The following FAM98B variants were observed in gnomAD, a reference collection of about 807,000 sequenced individuals.
The protein encoded by FAM98B is tRNA splicing ligase complex subunit 3B, also known as tRNA-splicing ligase complex subunit FAM98B.
A neutral mutation model predicts 43.9 loss-of-function variants in FAM98B; 32 were observed. That is an observed-to-expected ratio of 0.73 (90% CI 0.55 to 0.98). The LOEUF (loss-of-function observed/expected upper bound fraction) is 0.98, where lower values mean the gene tolerates loss of function less well. Among genes scored for constraint, FAM98B ranks in the 50% least tolerant of loss-of-function variants. The pLI, the probability that FAM98B is intolerant of heterozygous loss-of-function variation, is 0.00. For synonymous variants in FAM98B, 190 were observed against 174.0 expected (o/e 1.09, Z -0.72); for missense variants, 514 against 522.9 (o/e 0.98, Z 0.17).
At chr15:38,469,937 C>T (rs1890097658) in intron 3 of FAM98B, among the ~76,000 whole-genome samples, 1 of 151,988 alleles carries the variant, frequency 6.6e-6, no homozygotes, top group South Asian at 2.1e-4. Flanking sequence ...AAAGAATCAA[C>T]CATTTAAAGT....
intron 6 of FAM98B, among the ~76,000 whole-genome samples, chr15:38,479,132 ATT>A (rs920925433): frequency 6.6e-6 from 1 of 151,834 alleles, no homozygotes; most frequent in African/African-American, 2.4e-5. Context: ...CTAATTAAAA[ATT>A]TTGTTTTATT....
At position 38,487,119 on chromosome 15, in the gene FAM98B, C is replaced by T. The variant is rs923150665; in HGVS notation, c.*2460C>T. On this transcript the variant is annotated 3_prime_UTR_variant, in exon 8 of 8. Transcript: ENST00000397609. ...CTAAAGTAGTCATCTTTCCTCTCGA[C>T]CGTATAAAGAGCATGTATTCTGTCT... The T allele has an allele frequency of 8.6e-5, 13 of 152,000 alleles. No individual in the cohort carries two copies. The highest frequency in any genetic ancestry group is 3.1e-4 in the African/African-American group (13 of 41,402). 9.4% of individuals were successfully genotyped at this position (152,000 alleles called of 1,614,324 possible).
chr15:38,471,805 A>G (rs944911247), intron 4 of FAM98B, among the ~76,000 whole-genome samples: 1 of 152,172 alleles, frequency 6.6e-6, no homozygotes, highest in African/African-American at 2.4e-5. Flanking sequence ...TAGTGGTATA[A>G]TTATAACAGA....
At chr15:38,454,375 G>C in intron 1 of FAM98B, 143 bp downstream of exon 1, 1 of 818,836 alleles carries the variant, frequency 1.2e-6, no homozygotes, top group Non-Finnish European at 2.0e-6. Flanking sequence ...CGGCGCCGAC[G>C]GAGTTAAGCG....
At chr15:38,458,922 G>T (rs118092507) in intron 1 of FAM98B, 1 of 432,646 alleles carries the variant, frequency 2.3e-6, no homozygotes, top group South Asian at 2.0e-5. Context: ...TCCAGGATGA[G>T]GGTTTTCCTC....
intron 1 of FAM98B, chr15:38,459,068 G>T (rs928509705): frequency 2.9e-6 from 1 of 340,832 alleles, no homozygotes; most frequent in South Asian, 2.7e-5. Context: ...TGGCCAGGTT[G>T]GCAGTGAAGG....
At chr15:38,464,732 A>G (rs1245361393) in intron 2 of FAM98B, among the ~76,000 whole-genome samples, 2 of 152,158 alleles carry the variant, frequency 1.3e-5, no homozygotes, top group Non-Finnish European at 1.5e-5. Context: ...AAAATTAAAA[A>G]TTGTGCATTC....
At chr15:38,458,252 A>C (rs1223195436) in intron 1 of FAM98B, among the ~76,000 whole-genome samples, 1 of 152,240 alleles carries the variant, frequency 6.6e-6, no homozygotes, top group Non-Finnish European at 1.5e-5. Flanking sequence ...TGTCTGCAGC[A>C]GCTGGCTGGA....
chr15:38,467,046 T>C (rs532191558), intron 3 of FAM98B, among the ~76,000 whole-genome samples: 9 of 152,274 alleles, frequency 5.9e-5, no homozygotes, highest in African/African-American at 2.2e-4. Flanking sequence ...GATTTCAAAT[T>C]TGGAGGTATT....
Position 38,485,320 on chromosome 15 carries a change from A to G in FAM98B, c.*661A>G, listed in dbSNP as rs1220191100. 6.6e-6 allele frequency: 1 copy of G among 152,272 alleles called. No homozygotes were observed. Among genetic ancestry groups the G allele is most frequent in the African/African-American group, 2.4e-5 (1 of 41,460 alleles). 9.4% of individuals were successfully genotyped at this position (152,272 alleles called of 1,614,324 possible). A position where few individuals can be genotyped will look rare whatever the true frequency, so the allele number is the denominator to read the frequency against. On this transcript the variant is annotated 3_prime_UTR_variant, in exon 8 of 8. Transcript: ENST00000397609. ...TCAGCATGATTTTGTTTGACAAAGC[A>G]AAGTTTAAGATTGAGGTCAGAAATA...
rs569858912 is a variant in FAM98B at position 38,459,093 on chromosome 15, A to T, written c.71+4861A>T. ...GGCAGTGAAGGGAACACATTCAAAG[A>T]GTTCTCTCATTCGTCTCTTTCCACG... On this transcript the variant is annotated intron_variant, in intron 1 of 7. Transcript: ENST00000397609. 6 of 344,684 alleles carry T rather than the reference A, an allele frequency of 1.7e-5. No individual in the cohort carries two copies. In the East Asian group the frequency reaches 4.5e-4, roughly 26 times the overall value. 21.4% of individuals were successfully genotyped at this position (344,684 alleles called of 1,614,324 possible).
At position 38,470,380 on chromosome 15, in the gene FAM98B, A is replaced by G. The variant is rs1369690068; in HGVS notation, c.506A>G (p.His169Arg). The G allele has an allele frequency of 1.4e-5, 23 of 1,600,422 alleles. No individual in the cohort carries two copies. The highest frequency in any genetic ancestry group is 3.3e-4 in the Middle Eastern group (2 of 6,046). The change falls in exon 4 of 8, where the codon CAT becomes CGT. Residue 169 changes from histidine (H) to arginine (R), a missense_variant. Physicochemically the swap from His to Arg is conservative, Grantham distance 29. This residue lies in a region of FAM98B where 469 missense variants were observed against 451.8 expected (regional missense o/e 1.04). Transcript: ENST00000397609. ...IPKSTTSDIP[H>R]MLNQVESKVK... Reference sequence around the variant, plus strand: ...AAGTCAACAACTTCTGACATTCCGCATATGCTAAACCAAGTGGAATCAAAG... The same window carrying G: ...AAGTCAACAACTTCTGACATTCCGCGTATGCTAAACCAAGTGGAATCAAAG...
At chr15:38,468,323 G>A (rs1890071330) in intron 3 of FAM98B, among the ~76,000 whole-genome samples, 1 of 152,084 alleles carries the variant, frequency 6.6e-6, no homozygotes, top group African/African-American at 2.4e-5. Context: ...AAACTCTGGA[G>A]CTCAAGCGAT....
At position 38,465,306 on chromosome 15, in the gene FAM98B, T is replaced by C. The variant is rs1890012296; in HGVS notation, c.255T>C (p.Ser85=). Residue 85 remains serine, a synonymous_variant, in exon 3 of 8, where the codon AGT becomes AGC. Coordinates refer to ENST00000397609, the MANE Select transcript of FAM98B (RefSeq NM_173611.4). ...DDLESFQLEI[S]GFLKEMACPY... ...TAGAGAGCTTCCAGCTTGAGATAAG[T>C]GGCTTTTTAAAAGAAATGGCATGTC... is the stretch of plus-strand genomic sequence containing the variant. 1.2e-6 allele frequency: 2 copies of C among 1,610,746 alleles called. No individual in the cohort carries two copies. Among genetic ancestry groups the C allele is most frequent in the South Asian group, 2.2e-5 (2 of 90,268 alleles).
chr15:38,479,879 GC>G (rs1412102994), intron 6 of FAM98B, among the ~76,000 whole-genome samples: 2 of 152,098 alleles, frequency 1.3e-5, no homozygotes, highest in Non-Finnish European at 2.9e-5. Flanking sequence ...TGTCACTTTA[GC>G]CTCTTTATTG....
At chr15:38,481,792 C>T (rs963331992) in intron 7 of FAM98B, 7 of 565,226 alleles carry the variant, frequency 1.2e-5, no homozygotes, top group Non-Finnish European at 2.1e-5. Context: ...CTGACAGATT[C>T]GTTATATCCT....
rs762749263 is a variant in FAM98B at position 38,470,218 on chromosome 15, TTATTG to T, written c.353-6_353-2del. 4.0e-5 allele frequency: 56 copies of T among 1,404,128 alleles called. No homozygotes were observed. In the South Asian group the frequency reaches 7.8e-4, roughly 20 times the overall value. 87.0% of individuals were successfully genotyped at this position (1,404,128 alleles called of 1,614,324 possible). A position where few individuals can be genotyped will look rare whatever the true frequency, so the allele number is the denominator to read the frequency against. ...TGTATTAACATTATTTATTTTCTCTTTATTGTAGTATTTTTAAGTACAGAACTTCA... is the reference window on the plus strand; with the variant it reads ...TGTATTAACATTATTTATTTTCTCTTTAGTATTTTTAAGTACAGAACTTCA... On this transcript the variant is annotated splice_polypyrimidine_tract_variant and splice_region_variant and intron_variant, in intron 3 of 7. Coordinates refer to ENST00000397609, the MANE Select transcript of FAM98B (RefSeq NM_173611.4).
intron 6 of FAM98B, among the ~76,000 whole-genome samples, chr15:38,481,075 G>A (rs1365175227): frequency 6.6e-6 from 1 of 151,830 alleles, no homozygotes; most frequent in African/African-American, 2.4e-5. Context: ...ATTTTTTAGC[G>A]AGTTGTTGCT....
intron 3 of FAM98B, 113 bp from the exon 4 acceptor site, chr15:38,470,113 TA>T: frequency 1.1e-6 from 1 of 908,024 alleles, no homozygotes; most frequent in Non-Finnish European, 1.6e-6. Flanking sequence ...TGGGTCTTTG[TA>T]AGTTGGCATT....
Sources: allele counts gnomAD v4.1 joint callset (sites outside exome capture counted in the v4.1 genomes callset), GRCh38; gene constraint gnomAD v4.1.1; regional missense constraint gnomAD v4.1.1; transcripts MANE v1.5; gene names NCBI Gene and HGNC (gene_info 2026-07-23, HGNC 2026-07-21).